Variants in KIF9 observed in about 807,000 individuals in gnomAD.
KIF9 encodes the protein kinesin family member 9.
Under a neutral mutation model 94.8 loss-of-function variants are expected in KIF9, and 68 were observed. That is an observed-to-expected ratio of 0.72 (90% CI 0.59 to 0.88). The LOEUF (loss-of-function observed/expected upper bound fraction) is 0.88. Among genes scored for constraint, KIF9 ranks in the 40% least tolerant of loss-of-function variants. The probability of loss-of-function intolerance (pLI) is 0.00; values close to 1 mark genes in which losing one functional copy is unlikely to be tolerated. For missense variants in KIF9, 882 were observed against 982.5 expected (o/e 0.90, Z 1.37); for synonymous variants, 343 against 362.1 (o/e 0.95, Z 0.60).
intron 1 of KIF9, 104 bp downstream of exon 1, chr3:47,282,390 GA>G: frequency 3.0e-6 from 3 of 986,258 alleles, no homozygotes; most frequent in Non-Finnish European, 2.4e-6. Context: ...ACCCAGCTGG[GA>G]ACCCCCAGAT....
At chr3:47,254,095 C>T (rs1358140485) in intron 10 of KIF9, among the ~76,000 whole-genome samples, 1 of 152,240 alleles carries the variant, frequency 6.6e-6, no homozygotes, top group African/African-American at 2.4e-5. Context: ...TCATTCTTCA[C>T]AAGATCTCTT....
Position 47,236,481 on chromosome 3 carries a change from T to C in KIF9, c.2063A>G (p.Gln688Arg). ...RDLRAEIQYC[Q>R]HLVDQCRHRL... ...GTGGCGACACTGATCCACTAGGTGC[T>C]GGCAATACTGGATCTCAGCCCTGAG... is the stretch of plus-strand genomic sequence containing the variant. The change falls in exon 18 of 21, where the codon CAG becomes CGG. Residue 688 changes from glutamine to arginine, a missense_variant. Coordinates refer to ENST00000684063, the MANE Select transcript of KIF9 (RefSeq NM_182902.4). 6.2e-7 allele frequency: 1 copy of C among 1,613,678 alleles called. No homozygotes were observed. Among genetic ancestry groups the C allele is most frequent in the Non-Finnish European group, 8.5e-7 (1 of 1,180,038 alleles).
At chr3:47,251,426 C>T (rs1301735439) in intron 10 of KIF9, among the ~76,000 whole-genome samples, 4 of 152,070 alleles carry the variant, frequency 2.6e-5, no homozygotes, top group African/African-American at 7.2e-5. Context: ...TAGCTGGGTG[C>T]GGTGGCACAT....
At chr3:47,250,732 C>A in intron 10 of KIF9, 1 of 216,334 alleles carries the variant, frequency 4.6e-6, no homozygotes, top group South Asian at 4.7e-5. Context: ...AAGCTGAGAA[C>A]CCTCGCTGTG....
chr3:47,280,654 A>G (rs971947363), intron 1 of KIF9, among the ~76,000 whole-genome samples: 1 of 152,230 alleles, frequency 6.6e-6, no homozygotes, highest in African/African-American at 2.4e-5. Context: ...ACTGCTCTCC[A>G]GCCTGGACAA....
chr3:47,272,521 T>C (rs1701711198), intron 4 of KIF9, among the ~76,000 whole-genome samples: 1 of 152,206 alleles, frequency 6.6e-6, no homozygotes, highest in African/African-American at 2.4e-5. Context: ...TGATAATATT[T>C]ATGCCTAAAC....
chr3:47,244,594 C>T (rs1409021943), intron 15 of KIF9, 197 bp downstream of exon 15: 8 of 645,202 alleles, frequency 1.2e-5, no homozygotes, highest in South Asian at 7.5e-5. Flanking sequence ...GCTGTGAGGA[C>T]GAGAGATGAT....
At chr3:47,281,844 G>C (rs1316136157) in intron 1 of KIF9, among the ~76,000 whole-genome samples, 1 of 152,232 alleles carries the variant, frequency 6.6e-6, no homozygotes. Flanking sequence ...CTAGACAAGA[G>C]GAAAGGGAGC....
chr3:47,248,825 C>T (rs1247416589), intron 10 of KIF9, among the ~76,000 whole-genome samples: 1 of 152,072 alleles, frequency 6.6e-6, no homozygotes, highest in African/African-American at 2.4e-5. Context: ...CTCACTGAAG[C>T]CTCAACCTCC....
At chr3:47,262,282 T>C (rs1559453942) in intron 9 of KIF9, among the ~76,000 whole-genome samples, 2 of 151,600 alleles carry the variant, frequency 1.3e-5, no homozygotes, top group African/African-American at 2.4e-5. Flanking sequence ...TTGTTTTTTT[T>C]TTTTCTTTTC....
chr3:47,233,515 G>A (rs1169561155), intron 20 of KIF9, among the ~76,000 whole-genome samples: 1 of 150,624 alleles, frequency 6.6e-6, no homozygotes, highest in East Asian at 1.9e-4. Context: ...GGGCAACAAG[G>A]CAAAACCCCA....
In KIF9 at chr3:47,246,154, G is replaced by A. The variant is rs149572717; in HGVS notation, c.1289+43C>T. On this transcript the variant is annotated intron_variant, in intron 13 of 20. Coordinates refer to ENST00000684063, the MANE Select transcript of KIF9 (RefSeq NM_182902.4). Reference sequence around the variant, plus strand: ...TGCCCAGATGGCAGGAGATGAAAATGGCAGCCTGATGTAGGAATGAGGTAG... The same window carrying A: ...TGCCCAGATGGCAGGAGATGAAAATAGCAGCCTGATGTAGGAATGAGGTAG... 2.0e-4 allele frequency: 310 copies of A among 1,573,804 alleles called. 3 individuals are homozygous for A. In the African/African-American group the frequency reaches 3.6e-3, roughly 18 times the overall value.
At chr3:47,270,901 G>A (rs552533906) in intron 5 of KIF9, among the ~76,000 whole-genome samples, 3 of 150,854 alleles carry the variant, frequency 2.0e-5, no homozygotes, top group Non-Finnish European at 4.4e-5. Context: ...CACTTTGAGA[G>A]GCCGAAGTGG....
intron 5 of KIF9, among the ~76,000 whole-genome samples, chr3:47,268,581 CTT>C (rs1559461883): frequency 6.7e-6 from 1 of 149,588 alleles, no homozygotes; most frequent in Non-Finnish European, 1.5e-5. Flanking sequence ...CATTTTTCTT[CTT>C]CTTTTTTTTT....
intron 1 of KIF9, among the ~76,000 whole-genome samples, chr3:47,277,939 C>T (rs896464644): frequency 1.2e-4 from 18 of 151,954 alleles, no homozygotes; most frequent in African/African-American, 4.1e-4. Flanking sequence ...ACAGACAGTC[C>T]CCTACCTCCT....
chr3:47,279,913 T>C (rs1486687035), intron 1 of KIF9, among the ~76,000 whole-genome samples: 2 of 152,072 alleles, frequency 1.3e-5, no homozygotes, highest in Non-Finnish European at 1.5e-5. Context: ...GTCCAATGGG[T>C]GTTACCTGAC....
Position 47,266,957 on chromosome 3 carries a change from T to C in KIF9, c.768+19A>G, listed in dbSNP as rs1205374026. 1.3e-6 allele frequency: 2 copies of C among 1,583,798 alleles called. No individual in the cohort carries two copies. Among genetic ancestry groups the C allele is most frequent in the African/African-American group, 2.7e-5 (2 of 74,220 alleles). On this transcript the variant is annotated intron_variant, in intron 7 of 20. Transcript: ENST00000684063. ...GCTTGTGGTTTATTGAGTAGCAACCTCCAGCCCCCATCACTTACCCCAGAC... is the reference window on the plus strand; with the variant it reads ...GCTTGTGGTTTATTGAGTAGCAACCCCCAGCCCCCATCACTTACCCCAGAC...
At position 47,261,221 on chromosome 3, in the gene KIF9, T is replaced by A. The variant is rs1700950932; in HGVS notation, c.981+3065A>T. 1.3e-5 allele frequency among the ~76,000 whole-genome samples: 2 copies of A among 152,120 alleles called. 1 individual carries two copies. On this transcript the variant is annotated intron_variant, in intron 9 of 20. Coordinates refer to ENST00000684063, the MANE Select transcript of KIF9 (RefSeq NM_182902.4). ...CCCATTGCTTGTGAATAGAGATTAT[T>A]TGCAAAATAGGTAAAATGAGACCAC...
chr3:47,277,120 G>C (rs1702026584), intron 2 of KIF9, 162 bp downstream of exon 2: 1 of 426,486 alleles, frequency 2.3e-6, no homozygotes, highest in South Asian at 7.9e-5. Flanking sequence ...TTCTTCATTA[G>C]CAGTGTGTGA....
Sources: allele counts gnomAD v4.1 joint callset (sites outside exome capture counted in the v4.1 genomes callset), GRCh38; gene constraint gnomAD v4.1.1; transcripts MANE v1.5; gene names NCBI Gene and HGNC (gene_info 2026-07-23, HGNC 2026-07-21).